Variants in CACNA2D1 observed in about 807,000 individuals in gnomAD.
CACNA2D1 encodes calcium voltage-gated channel auxiliary subunit alpha2delta 1.
In CACNA2D1, 53 loss-of-function variants were observed where a neutral mutation model predicts 171.5. The ratio of observed to expected loss-of-function variants is 0.31; its 90% CI spans 0.25 to 0.39. CACNA2D1 has a LOEUF of 0.39. Among genes scored for constraint, CACNA2D1 ranks in the 10% least tolerant of loss-of-function variants. The pLI, the probability that CACNA2D1 is intolerant of heterozygous loss-of-function variation, is 1.00. For synonymous variants in CACNA2D1, 442 were observed against 443.1 expected (o/e 1.00, Z 0.03); for missense variants, 903 against 1,299.8 (o/e 0.69, Z 4.69).
intron 5 of CACNA2D1, among the ~76,000 whole-genome samples, chr7:82,121,913 A>G (rs1371950164): frequency 6.6e-6 from 1 of 152,172 alleles, no homozygotes; most frequent in African/African-American, 2.4e-5. Flanking sequence ...CTTCAGAAGC[A>G]ATTTATTTAA....
chr7:82,306,347 T>C (rs950331433), intron 3 of CACNA2D1, among the ~76,000 whole-genome samples: 3 of 152,232 alleles, frequency 2.0e-5, no homozygotes, highest in African/African-American at 4.8e-5. Context: ...CTCAGGTGAA[T>C]ATGTCTTAAG....
At chr7:81,952,491 T>C (rs984125164) in intron 38 of CACNA2D1, among the ~76,000 whole-genome samples, 13 of 152,174 alleles carry the variant, frequency 8.5e-5, no homozygotes, top group African/African-American at 2.2e-4. Flanking sequence ...CAAATCTAAA[T>C]AGAATCATAA....
chr7:81,966,114 T>C (rs1468175169), intron 31 of CACNA2D1, among the ~76,000 whole-genome samples: 1 of 151,804 alleles, frequency 6.6e-6, no homozygotes, highest in Non-Finnish European at 1.5e-5. Flanking sequence ...TAAGACTATT[T>C]ATAATTATTT....
intron 2 of CACNA2D1, among the ~76,000 whole-genome samples, chr7:82,340,450 C>T (rs1343228784): frequency 1.3e-5 from 2 of 151,338 alleles, no homozygotes; most frequent in African/African-American, 2.4e-5. Flanking sequence ...GGATTACAGG[C>T]GTGAGCCACA....
chr7:82,418,544 A>T (rs1314825645), intron 1 of CACNA2D1, among the ~76,000 whole-genome samples: 1 of 152,198 alleles, frequency 6.6e-6, no homozygotes, highest in Admixed American at 6.5e-5. Flanking sequence ...AAAATAAATA[A>T]ATAAATAAAG....
chr7:82,094,453 T>A (rs1328357323), intron 6 of CACNA2D1, among the ~76,000 whole-genome samples: 3 of 152,148 alleles, frequency 2.0e-5, no homozygotes, highest in Non-Finnish European at 4.4e-5. Context: ...CACAGAGAGA[T>A]GGACATCTGT....
chr7:82,141,820 T>C (rs1792433413), intron 4 of CACNA2D1, among the ~76,000 whole-genome samples: 1 of 152,222 alleles, frequency 6.6e-6, no homozygotes, highest in Non-Finnish European at 1.5e-5. Context: ...ATGTGTTTCT[T>C]TCTTAATCAT....
intron 2 of CACNA2D1, among the ~76,000 whole-genome samples, chr7:82,347,046 GAAT>G (rs1819338588): frequency 6.6e-6 from 1 of 152,104 alleles, no homozygotes; most frequent in Non-Finnish European, 1.5e-5. Context: ...TTCAGTAATG[GAAT>G]AATCCAATAA....
At chr7:82,099,929 C>T (rs1812466952) in intron 6 of CACNA2D1, among the ~76,000 whole-genome samples, 1 of 152,004 alleles carries the variant, frequency 6.6e-6, no homozygotes, top group Non-Finnish European at 1.5e-5. Context: ...ACACTGAGGC[C>T]TGTCAGGGGG....
At chr7:82,151,983 T>G (rs1319287424) in intron 4 of CACNA2D1, among the ~76,000 whole-genome samples, 1 of 152,072 alleles carries the variant, frequency 6.6e-6, no homozygotes, top group Non-Finnish European at 1.5e-5. Context: ...TCCACTTTCA[T>G]GGACTGTTTA....
chr7:82,288,761 T>C (rs1585350893), intron 3 of CACNA2D1, among the ~76,000 whole-genome samples: 4 of 152,322 alleles, frequency 2.6e-5, no homozygotes, highest in Admixed American at 1.3e-4. Flanking sequence ...GCATGCTGGA[T>C]ATCAGAGTCA....
intron 1 of CACNA2D1, among the ~76,000 whole-genome samples, chr7:82,385,488 G>T (rs1279001287): frequency 2.0e-5 from 3 of 152,138 alleles, no homozygotes; most frequent in Non-Finnish European, 4.4e-5. Context: ...TACAATATGG[G>T]TTAAATTAGC....
At chr7:82,380,423 A>C (rs1317012619) in intron 1 of CACNA2D1, among the ~76,000 whole-genome samples, 1 of 152,128 alleles carries the variant, frequency 6.6e-6, no homozygotes, top group Non-Finnish European at 1.5e-5. Flanking sequence ...TGTTTGGAGA[A>C]TTGATCATTC....
At chr7:82,061,804 C>T (rs1168354357) in intron 9 of CACNA2D1, among the ~76,000 whole-genome samples, 1 of 152,138 alleles carries the variant, frequency 6.6e-6, no homozygotes, top group Non-Finnish European at 1.5e-5. Context: ...AAGATGAAAT[C>T]ACAGGGGTGT....
At chr7:82,050,340 TCAGAGA>T (rs770338400) in intron 10 of CACNA2D1, 184 of 437,082 alleles carry the variant, frequency 4.2e-4, no homozygotes, top group Middle Eastern at 3.7e-3. Flanking sequence ...GCCCTCTGAG[TCAGAGA>T]CAAAGAGTTT....
chr7:82,101,218 T>C (rs1302328869), intron 6 of CACNA2D1, among the ~76,000 whole-genome samples: 1 of 152,120 alleles, frequency 6.6e-6, no homozygotes, highest in Admixed American at 6.6e-5. Context: ...ACCAACAGAA[T>C]TTGAAGTTTG....
chr7:82,419,855 T>A lies in CACNA2D1; in HGVS notation c.95+23510A>T, dbSNP rs149084714. 2.0e-3 allele frequency among the ~76,000 whole-genome samples: 302 copies of A among 152,304 alleles called. 5 individuals carry two copies. Among genetic ancestry groups the A allele is most frequent in the African/African-American group, 6.8e-3 (283 of 41,566 alleles). ...GCATTAAAGTAAAACCTTAGATCAG[T>A]GGTTTTCAACCCCGGGTGATTTTGC... On this transcript the variant is annotated intron_variant, in intron 1 of 38. Coordinates refer to ENST00000356860, the MANE Select transcript of CACNA2D1 (RefSeq NM_000722.4).
chr7:82,415,694 T>G (rs550465980), intron 1 of CACNA2D1, among the ~76,000 whole-genome samples: 50 of 152,076 alleles, frequency 3.3e-4, no homozygotes, highest in African/African-American at 1.2e-3. Context: ...CTTAATGCAC[T>G]GCATCTTTTT....
chr7:82,305,047 C>T (rs1813546586), intron 3 of CACNA2D1, among the ~76,000 whole-genome samples: 1 of 152,066 alleles, frequency 6.6e-6, no homozygotes. Context: ...AAAAGAATTG[C>T]TATTAGTCTC....
Sources: gnomAD v4.1 joint callset for allele counts (sites outside exome capture counted in the v4.1 genomes callset) on GRCh38, gnomAD v4.1.1 for gene constraint, MANE v1.5 for transcripts, NCBI Gene and HGNC (gene_info 2026-07-23, HGNC 2026-07-21) for gene names.